NKTR: variants seen among roughly 807,000 people sequenced by gnomAD.
NKTR encodes the protein NK-tumor recognition protein.
In NKTR, 67 loss-of-function variants were observed where a neutral mutation model predicts 156.3. The ratio of observed to expected loss-of-function variants is 0.43; its 90% CI spans 0.35 to 0.53. The LOEUF (loss-of-function observed/expected upper bound fraction) is 0.53. NKTR is among the 20% of genes least tolerant of loss of function. The pLI is 0.01. For synonymous variants in NKTR, 640 were observed against 596.6 expected (o/e 1.07, Z -1.06); for missense variants, 1,604 against 1,730.9 (o/e 0.93, Z 1.30).
At chr3:42,642,109 T>C (rs1448257150) in intron 13 of NKTR, among the ~76,000 whole-genome samples, 1 of 152,246 alleles carries the variant, frequency 6.6e-6, no homozygotes, top group African/African-American at 2.4e-5. Flanking sequence ...CATTGTGTTC[T>C]AGAGATATAT....
At chr3:42,619,791 T>TTATATAAG in intron 5 of NKTR, 83 bp downstream of exon 5, 1 of 1,555,502 alleles carries the variant, frequency 6.4e-7, no homozygotes, top group Non-Finnish European at 8.7e-7. Flanking sequence ...GAGAAGAGGT[T>TTATATAAG]TACTTATAGT....
chr3:42,643,341 C>T lies in NKTR; in HGVS notation c.4145C>T (p.Thr1382Met), dbSNP rs764562548. Residue 1382 changes from threonine (T) to methionine (M), a missense_variant and splice_region_variant, in exon 15 of 17, where the codon ACG becomes ATG. This residue lies in a region of NKTR where 193 missense variants were observed against 220.2 expected (regional missense o/e 0.88). Coordinates refer to ENST00000232978, the MANE Select transcript of NKTR (RefSeq NM_005385.4). ...SSYRSYKSHR[T>M]SSRSRSRSSS... The stretch of plus-strand genomic sequence containing the variant: ...GTCCTTCATGTGATTAATATTAGGA[C>T]GTCCAGCAGGAGCAGATCCAGGAGC... 2.5e-5 allele frequency: 41 copies of T among 1,613,544 alleles called. No individual in the cohort carries two copies. Among genetic ancestry groups the T allele is most frequent in the Middle Eastern group, 1.6e-4 (1 of 6,080 alleles).
chr3:42,632,625 C>A lies in NKTR; in HGVS notation c.575C>A (p.Pro192Gln). ...KDVFEKKRKK[P>Q]THSEGSDSSS... is the part of the protein sequence containing the mutation. The stretch of plus-strand genomic sequence containing the variant: ...GTTTTTGAGAAAAAAAGGAAGAAAC[C>A]AACTCATTCAGAAGGCTCGGATTCC... The change falls in exon 9 of 17, where the codon CCA becomes CAA. Residue 192 changes from proline to glutamine, a missense_variant. Coordinates refer to ENST00000232978, the MANE Select transcript of NKTR (RefSeq NM_005385.4). 6.2e-7 allele frequency: 1 copy of A among 1,606,874 alleles called. No individual in the cohort carries two copies. The highest frequency in any genetic ancestry group is 8.5e-7 in the Non-Finnish European group (1 of 1,177,652).
chr3:42,630,189 T>C (rs1708761879), intron 6 of NKTR: 1 of 718,158 alleles, frequency 1.4e-6, no homozygotes, highest in Non-Finnish European at 1.7e-6. Context: ...ATTTTGAGGG[T>C]TTTTTTTTTT....
rs1483431821 is a variant in NKTR at position 42,638,145 on chromosome 3, CAA to C, written c.2442_2443del (p.Ser815CysfsTer21). ...GATTATTCTTCAGACAGTGAGCAGT[CAA>C]GTGTTCAGGCCACACAGTCAGCCCA... On this transcript the variant is annotated frameshift_variant, in exon 13 of 17. Transcript: ENST00000232978. LOFTEE classifies it high-confidence loss of function. The C allele has an allele frequency of 6.2e-7, 1 of 1,613,336 alleles. No individual in the cohort carries two copies. The highest frequency in any genetic ancestry group is 8.5e-7 in the Non-Finnish European group (1 of 1,179,882).
At chr3:42,608,506 C>T (rs996549276) in intron 2 of NKTR, among the ~76,000 whole-genome samples, 1 of 152,130 alleles carries the variant, frequency 6.6e-6, no homozygotes, top group African/African-American at 2.4e-5. Flanking sequence ...GACATGTCGC[C>T]CTCCCTCATT....
intron 6 of NKTR, among the ~76,000 whole-genome samples, chr3:42,625,525 A>G (rs1280025747): frequency 1.3e-5 from 2 of 152,160 alleles, no homozygotes; most frequent in African/African-American, 2.4e-5. Context: ...ATTACAAAGT[A>G]GTGGAGCAAG....
At chr3:42,621,778 C>A (rs551433203) in intron 6 of NKTR, among the ~76,000 whole-genome samples, 1 of 151,766 alleles carries the variant, frequency 6.6e-6, no homozygotes, top group African/African-American at 2.4e-5. Context: ...GAAAAGATGA[C>A]GGCATATTTA....
At chr3:42,615,905 C>T (rs978113329) in intron 2 of NKTR, among the ~76,000 whole-genome samples, 1 of 151,780 alleles carries the variant, frequency 6.6e-6, no homozygotes, top group African/African-American at 2.4e-5. Flanking sequence ...TACACTGCTC[C>T]CTGCTTGAAA....
chr3:42,624,176 A>G (rs1577496446), intron 6 of NKTR, among the ~76,000 whole-genome samples: 1 of 151,986 alleles, frequency 6.6e-6, no homozygotes, highest in East Asian at 1.9e-4. Context: ...ATTTTCTTCT[A>G]TAAATCTATT....
At chr3:42,619,496 G>C in intron 4 of NKTR, 168 bp from the exon 5 acceptor site, 4 of 1,446,898 alleles carry the variant, frequency 2.8e-6, no homozygotes, top group Non-Finnish European at 3.6e-6. Context: ...AATGGGACTT[G>C]ACATATATTT....
In NKTR at chr3:42,638,391, C is replaced by A; in HGVS notation, c.2687C>A (p.Thr896Asn). Reference sequence around the variant, plus strand: ...GAGTCAAATTCAGAACGAGATGTCACTAAAAACAGTAAAAATGACTCCCAT... The same window carrying A: ...GAGTCAAATTCAGAACGAGATGTCAATAAAAACAGTAAAAATGACTCCCAT... The part of the protein sequence containing the change: ...DSESNSERDV[T>N]KNSKNDSHPS... Residue 896 changes from threonine to asparagine, a missense_variant, in exon 13 of 17, where the codon ACT (threonine) becomes AAT (asparagine). Transcript: ENST00000232978. 1 of 1,613,914 alleles carries A rather than the reference C, an allele frequency of 6.2e-7. No homozygotes were observed. The highest frequency in any genetic ancestry group is 8.5e-7 in the Non-Finnish European group (1 of 1,179,976).
At position 42,639,081 on chromosome 3, in the gene NKTR, A is replaced by G. The variant is rs146038289; in HGVS notation, c.3377A>G (p.Asp1126Gly). The G allele has an allele frequency of 2.2e-4, 355 of 1,613,972 alleles. No individual in the cohort carries two copies. Among genetic ancestry groups the G allele is most frequent in the Non-Finnish European group, 2.9e-4 (339 of 1,180,010 alleles). ...GGAGTGGAAGATGTGCTTCAAACAG[A>G]TGACAACATGGAGATCTGCACTCCT... ...PNGVEDVLQT[D>G]DNMEICTPDR... The change falls in exon 13 of 17, where the codon GAT becomes GGT. Residue 1126 changes from aspartate to glycine, a missense_variant. By Grantham distance (94) the Asp-to-Gly change is moderately conservative. Coordinates refer to ENST00000232978, the MANE Select transcript of NKTR (RefSeq NM_005385.4).
Position 42,647,602 on chromosome 3 carries a change from T to C in NKTR, c.*1627T>C, listed in dbSNP as rs1295059170. 2 of 152,060 alleles carry C rather than the reference T, an allele frequency of 1.3e-5. No homozygotes were observed. The highest frequency in any genetic ancestry group is 2.9e-5 in the Non-Finnish European group (2 of 68,026). The allele number at this position is 152,060 out of a possible 1,614,324, so 9.4% of individuals were successfully genotyped here. ...GTTTGCCAGGTCAATAGACAGAAAG[T>C]ACATTAGAAAACAGGACTTAGGCCA... On this transcript the variant is annotated 3_prime_UTR_variant, in exon 17 of 17. Coordinates refer to ENST00000232978, the MANE Select transcript of NKTR (RefSeq NM_005385.4).
intron 6 of NKTR, chr3:42,629,348 T>G: frequency 1.1e-6 from 1 of 947,772 alleles, no homozygotes; most frequent in Non-Finnish European, 1.3e-6. Flanking sequence ...ATTCTGGAAC[T>G]TCTTAAGTTG....
Position 42,639,217 on chromosome 3 carries a change from T to C in NKTR, c.3513T>C (p.Pro1171=). 1 of 1,614,160 alleles carries C rather than the reference T, an allele frequency of 6.2e-7. No homozygotes were observed. Among genetic ancestry groups the C allele is most frequent in the Non-Finnish European group, 8.5e-7 (1 of 1,180,024 alleles). The change falls in exon 13 of 17, where the codon CCT becomes CCC. Residue 1171 remains proline (P), a synonymous_variant. Coordinates refer to ENST00000232978, the MANE Select transcript of NKTR (RefSeq NM_005385.4). ...AGCAGGATATGGCAACGGAACATCC[T>C]CAAGCAGAGGTAGTAAAACAGGAAA... ...VLKQDMATEH[P]QAEVVKQESS...
chr3:42,639,859 G>A (rs80301948), intron 13 of NKTR, 109 bp downstream of exon 13: 26,858 of 831,244 alleles, frequency 0.032, 864 homozygotes, highest in East Asian at 0.12. Flanking sequence ...TATCTGAAAG[G>A]AATAAGAAGT....
chr3:42,608,867 G>A (rs1286188645), intron 2 of NKTR, among the ~76,000 whole-genome samples: 1 of 152,000 alleles, frequency 6.6e-6, no homozygotes, highest in East Asian at 1.9e-4. Context: ...GGCTCATGGC[G>A]GTAATCCCAG....
chr3:42,634,514 G>GT, intron 10 of NKTR, 99 bp from the exon 11 acceptor site: 1 of 591,144 alleles, frequency 1.7e-6, no homozygotes, highest in Non-Finnish European at 2.9e-6. Flanking sequence ...AAAATGGCAT[G>GT]TATCTTTGAA....
Sources: allele counts gnomAD v4.1 joint callset (sites outside exome capture counted in the v4.1 genomes callset), GRCh38; gene constraint gnomAD v4.1.1; regional missense constraint gnomAD v4.1.1; transcripts MANE v1.5; gene names NCBI Gene and HGNC (gene_info 2026-07-23, HGNC 2026-07-21).